CAT: variants seen among roughly 807,000 people sequenced by gnomAD.
CAT encodes epididymis secretory sperm binding protein.
CAT carries 43 observed loss-of-function variants against 59.0 expected under a neutral mutation model. The ratio of observed to expected loss-of-function variants is 0.73; its 90% CI spans 0.57 to 0.94. The LOEUF (loss-of-function observed/expected upper bound fraction) is 0.94, where lower values mean the gene tolerates loss of function less well. Ranked by LOEUF, CAT falls within the 40% of genes least tolerant of loss-of-function variation. CAT has a pLI of 0.00. For synonymous variants in CAT, 218 were observed against 230.9 expected (o/e 0.94, Z 0.51); for missense variants, 664 against 682.9 (o/e 0.97, Z 0.31).
intron 2 of CAT, among the ~76,000 whole-genome samples, chr11:34,449,812 G>T (rs1856501109): frequency 6.6e-6 from 1 of 152,174 alleles, no homozygotes; most frequent in African/African-American, 2.4e-5. Flanking sequence ...TGAAATAAAT[G>T]TGAGCCATAC....
rs1348186692 is a variant in CAT, at chr11:34,461,189, A to G, written c.1057-62A>G. On this transcript the variant is annotated intron_variant, in intron 8 of 12. Coordinates refer to ENST00000241052, the MANE Select transcript of CAT (RefSeq NM_001752.4). ...CTTCAAATTTCAGAATGAAGTTTAC[A>G]GCCCATTCCTATGTTATATGTTACT... 3 of 1,557,176 alleles carry G rather than the reference A, an allele frequency of 1.9e-6. No homozygotes were observed. The East Asian group carries it at 6.7e-5, about 35-fold the overall frequency.
intron 8 of CAT, among the ~76,000 whole-genome samples, chr11:34,458,815 C>A (rs967513137): frequency 6.6e-6 from 1 of 152,068 alleles, no homozygotes; most frequent in Non-Finnish European, 1.5e-5. Flanking sequence ...ACTAGGCCCC[C>A]GGGAAAAGGA....
chr11:34,451,945 G>A, intron 3 of CAT, 132 bp from the exon 4 acceptor site: 1 of 849,222 alleles, frequency 1.2e-6, no homozygotes, highest in Admixed American at 2.0e-5. Context: ...AATAACCCGG[G>A]CACTTAAATA....
chr11:34,447,839 G>A (rs1856476456), intron 1 of CAT, among the ~76,000 whole-genome samples: 1 of 152,124 alleles, frequency 6.6e-6, no homozygotes, highest in Admixed American at 6.5e-5. Context: ...AGATGAAAAT[G>A]GAGACTCATA....
rs778664352 is a variant in CAT, at chr11:34,456,782, C to T, written c.1021C>T (p.Pro341Ser). The T allele has an allele frequency of 6.2e-7, 1 of 1,614,214 alleles. No homozygotes were observed. Among genetic ancestry groups the T allele is most frequent in the East Asian group, 2.2e-5 (1 of 44,884 alleles). ...AGCCTTCGACCCAAGCAACATGCCA[C>T]CTGGCATTGAGGCCAGTCCTGACAA... The part of the protein sequence containing the change: ...QIAFDPSNMP[P>S]GIEASPDKML... The change falls in exon 8 of 13, where the codon CCT becomes TCT. Residue 341 changes from proline to serine, a missense_variant. Transcript: ENST00000241052.
Position 34,449,397 on chromosome 11 carries a change from G to A in CAT, c.238+34G>A, listed in dbSNP as rs772666798. 24 of 1,576,372 alleles carry A rather than the reference G, an allele frequency of 1.5e-5. No individual in the cohort carries two copies. The South Asian group carries it at 2.3e-4, about 15-fold the overall frequency. On this transcript the variant is annotated intron_variant, in intron 2 of 12. Coordinates refer to ENST00000241052, the MANE Select transcript of CAT (RefSeq NM_001752.4). ...TGTGTTTATTTGCTGTAAAAAGATT[G>A]TTTCACAGCACCTGGGTCAAGTGTT...
intron 11 of CAT, chr11:34,470,633 T>A (rs1210566588): frequency 5.4e-6 from 2 of 371,438 alleles, no homozygotes; most frequent in South Asian, 2.2e-5. Flanking sequence ...GGGTTTTAGA[T>A]CTGTGTCAGG....
intron 1 of CAT, 64 bp from the exon 2 acceptor site, chr11:34,449,128 G>T (rs1204062886): frequency 1.5e-6 from 2 of 1,360,158 alleles, no homozygotes; most frequent in South Asian, 1.2e-5. Flanking sequence ...ATGTACCCGT[G>T]ACAGTGTAAA....
Position 34,461,370 on chromosome 11 carries a change from G to A in CAT, c.1176G>A (p.Met392Ile), listed in dbSNP as rs148868158. The A allele has an allele frequency of 8.1e-6, 13 of 1,614,218 alleles. No individual in the cohort carries two copies. The African/African-American group carries it at 1.5e-4, about 18-fold the overall frequency. ...CCAACTACCAGCGTGACGGCCCGAT[G>A]TGCATGCAGGACAATCAGGGTAGGC... Reference protein sequence around the residue: ...RVANYQRDGPMCMQDNQGGAP... With the variant: ...RVANYQRDGPICMQDNQGGAP... The change falls in exon 9 of 13, where the codon ATG becomes ATA. Residue 392 changes from methionine (M) to isoleucine (I), a missense_variant. By Grantham distance (10) the Met-to-Ile change is conservative. Coordinates refer to ENST00000241052, the MANE Select transcript of CAT (RefSeq NM_001752.4).
intron 8 of CAT, among the ~76,000 whole-genome samples, chr11:34,458,540 G>A (rs796737104): frequency 9.2e-5 from 14 of 152,286 alleles, no homozygotes; most frequent in African/African-American, 3.4e-4. Context: ...GGTAATCCTG[G>A]GCCCTAAAAC....
intron 8 of CAT, chr11:34,460,848 G>A (rs909581838): frequency 7.2e-6 from 2 of 279,368 alleles, no homozygotes; most frequent in Non-Finnish European, 1.4e-5. Context: ...CTTCCCTGGA[G>A]TGGGGGAATG....
chr11:34,440,159 A>G (rs928150533), intron 1 of CAT, among the ~76,000 whole-genome samples: 2 of 152,300 alleles, frequency 1.3e-5, no homozygotes, highest in Middle Eastern at 3.4e-3. Context: ...TATTCTGCCT[A>G]GTGCTCTTGC....
Position 34,453,113 on chromosome 11 carries a change from A to G in CAT, c.504A>G (p.Gln168=). 6.2e-7 allele frequency: 1 copy of G among 1,612,834 alleles called. No homozygotes were observed. Among genetic ancestry groups the G allele is most frequent in the Non-Finnish European group, 8.5e-7 (1 of 1,178,900 alleles). Residue 168 remains glutamine (Q), a synonymous_variant, in exon 5 of 13, where the codon CAA becomes CAG. Coordinates refer to ENST00000241052, the MANE Select transcript of CAT (RefSeq NM_001752.4). The part of the protein sequence containing the change: ...PILFPSFIHS[Q]KRNPQTHLKD... ...AGTTTCCATCTTTTATCCACAGCCAAAAGAGAAATCCTCAGACACATCTGA... is the reference window on the plus strand; with the variant it reads ...AGTTTCCATCTTTTATCCACAGCCAGAAGAGAAATCCTCAGACACATCTGA...
chr11:34,448,321 G>A (rs991777341), intron 1 of CAT, among the ~76,000 whole-genome samples: 10 of 152,166 alleles, frequency 6.6e-5, no homozygotes, highest in Non-Finnish European at 1.0e-4. Flanking sequence ...GTAGCTTTGC[G>A]TCACTTACGT....
intron 1 of CAT, among the ~76,000 whole-genome samples, chr11:34,447,402 GA>G (rs1366858276): frequency 6.6e-6 from 1 of 152,114 alleles, no homozygotes; most frequent in Non-Finnish European, 1.5e-5. Flanking sequence ...TTCTACTTTA[GA>G]AAGTAGAAAT....
At position 34,461,415 on chromosome 11, in the gene CAT, C is replaced by G. The variant is rs934981105; in HGVS notation, c.1195+26C>G. ...GTAGGCCTAAAGACGTTGGGCTCCC[C>G]CTGCGTGGGCAGAGGGCACGTGGAG... On this transcript the variant is annotated intron_variant, in intron 9 of 12. Transcript: ENST00000241052. 1.9e-6 allele frequency: 3 copies of G among 1,613,630 alleles called. No homozygotes were observed. In the Admixed American group the frequency reaches 5.0e-5, roughly 27 times the overall value.
chr11:34,454,856 C>G (rs941323585), intron 6 of CAT, among the ~76,000 whole-genome samples: 3 of 152,158 alleles, frequency 2.0e-5, no homozygotes, highest in African/African-American at 4.8e-5. Flanking sequence ...TTCTACTCTC[C>G]TAGATAATTG....
In CAT at chr11:34,456,120, A is replaced by ACC; in HGVS notation, c.824_825dup (p.Ser276ProfsTer10). The ACC allele has an allele frequency of 6.2e-7, 1 of 1,613,996 alleles. No homozygotes were observed. The highest frequency in any genetic ancestry group is 8.5e-7 in the Non-Finnish European group (1 of 1,179,864). ...TTTAACGCCATTGCCACAGGAAAGT[A>ACC]CCCCTCCTGGACTTTTTACATCCAG... On this transcript the variant is annotated frameshift_variant, in exon 7 of 13. Transcript: ENST00000241052. LOFTEE classifies it high-confidence loss of function.
chr11:34,445,154 T>TC (rs1856434462), intron 1 of CAT, among the ~76,000 whole-genome samples: 1 of 151,862 alleles, frequency 6.6e-6, no homozygotes, highest in South Asian at 2.1e-4. Flanking sequence ...GTATTAGGGA[T>TC]CAGGTATATA....
Sources: gnomAD v4.1 joint callset for allele counts (sites outside exome capture counted in the v4.1 genomes callset) on GRCh38, gnomAD v4.1.1 for gene constraint, MANE v1.5 for transcripts, NCBI Gene and HGNC (gene_info 2026-07-23, HGNC 2026-07-21) for gene names.